CLASP1: variants seen among roughly 807,000 people sequenced by gnomAD.
CLASP1 encodes the protein CLIP-associating protein 1.
CLASP1 carries 38 observed loss-of-function variants against 192.3 expected under a neutral mutation model. The ratio of observed to expected loss-of-function variants is 0.20; its 90% CI spans 0.15 to 0.26. CLASP1 has a LOEUF of 0.26. Among genes scored for constraint, CLASP1 ranks in the 10% least tolerant of loss-of-function variants. CLASP1 has a pLI of 1.00. For synonymous variants in CLASP1, 691 were observed against 712.8 expected (o/e 0.97, Z 0.49); for missense variants, 1,433 against 1,932.5 (o/e 0.74, Z 4.85).
rs138830428 is a variant in CLASP1 at position 121,531,036 on chromosome 2, G to A, written c.196-711C>T. 556 of 699,506 alleles carry A rather than the reference G, an allele frequency of 7.9e-4. 2 individuals carry two copies. The highest frequency in any genetic ancestry group is 7.0e-3 in the African/African-American group (399 of 57,258). 43.3% of individuals were successfully genotyped at this position (699,506 alleles called of 1,614,324 possible). On this transcript the variant is annotated intron_variant, in intron 2 of 39. Coordinates refer to ENST00000263710, the Ensembl canonical transcript of CLASP1. ...AAAACCTGTTTTCATAGACTTATCAGTTCAAACAGCAGTAATTCGTAAATA... is the reference window on the plus strand; with the variant it reads ...AAAACCTGTTTTCATAGACTTATCAATTCAAACAGCAGTAATTCGTAAATA...
chr2:121,601,849 C>G (rs1284171847), intron 2 of CLASP1, among the ~76,000 whole-genome samples: 2 of 152,036 alleles, frequency 1.3e-5, no homozygotes, highest in African/African-American at 2.4e-5. Flanking sequence ...TTTCTATACA[C>G]CAACAACAAA....
chr2:121,387,774 T>A (rs769345721), exon 31 of CLASP1: 1 of 1,613,994 alleles, frequency 6.2e-7, no homozygotes, highest in South Asian at 1.1e-5. Flanking sequence ...ACACTGGTGT[T>A]ACTGGAATTC....
At chr2:121,639,593 G>A (rs1244199391) in intron 1 of CLASP1, among the ~76,000 whole-genome samples, 1 of 152,094 alleles carries the variant, frequency 6.6e-6, no homozygotes, top group African/African-American at 2.4e-5. Flanking sequence ...AGGCACAGTG[G>A]CTCACACCTG....
At chr2:121,610,826 TACAGGAGGAAGAGGAACTGGAGGAGGA>T in intron 1 of CLASP1, among the ~76,000 whole-genome samples, 1 of 117,850 alleles carries the variant, frequency 8.5e-6, no homozygotes. Context: ...GAGGAAGAGT[TACAGGAGGAAGAGGAACTGGAGGAGGA>T]GGAGGAGTTA....
At chr2:121,592,825 TGTATTTTTA>T (rs975516999) in intron 2 of CLASP1, among the ~76,000 whole-genome samples, 19 of 152,126 alleles carry the variant, frequency 1.2e-4, no homozygotes, top group African/African-American at 4.6e-4. Flanking sequence ...GCTAATTTTT[TGTATTTTTA>T]GTAGAGACGG....
intron 37 of CLASP1, among the ~76,000 whole-genome samples, chr2:121,358,407 T>C (rs1309199878): frequency 6.6e-6 from 1 of 152,188 alleles, no homozygotes; most frequent in African/African-American, 2.4e-5. Flanking sequence ...TCATGCAGTA[T>C]ATTATTTCCC....
At chr2:121,585,724 A>G (rs2061644561) in intron 2 of CLASP1, among the ~76,000 whole-genome samples, 1 of 151,860 alleles carries the variant, frequency 6.6e-6, no homozygotes, top group East Asian at 1.9e-4. Context: ...ATGGTGAAAC[A>G]CCATCTCTAC....
intron 13 of CLASP1, 72 bp downstream of exon 13, chr2:121,458,768 A>G: frequency 8.5e-7 from 1 of 1,179,642 alleles, no homozygotes; most frequent in Admixed American, 3.0e-5. Flanking sequence ...GTTAACAAAA[A>G]TGCCTCTAAT....
At chr2:121,468,416 G>C (rs2090055577) in intron 9 of CLASP1, among the ~76,000 whole-genome samples, 1 of 152,200 alleles carries the variant, frequency 6.6e-6, no homozygotes, top group African/African-American at 2.4e-5. Flanking sequence ...AGCATGGACT[G>C]TTTTTCCATT....
chr2:121,620,259 C>T (rs567652198), intron 1 of CLASP1, among the ~76,000 whole-genome samples: 2 of 151,986 alleles, frequency 1.3e-5, no homozygotes, highest in Admixed American at 1.3e-4. Context: ...TTAGCAGGGC[C>T]AGTGGCACAT....
chr2:121,645,754 AATGTCACC>A (rs2106371723), intron 1 of CLASP1, among the ~76,000 whole-genome samples: 1 of 152,316 alleles, frequency 6.6e-6, no homozygotes, highest in Admixed American at 6.5e-5. Context: ...TTATGGAAGA[AATGTCACC>A]ATTTGAGCAC....
intron 19 of CLASP1, among the ~76,000 whole-genome samples, chr2:121,436,178 T>C (rs912060384): frequency 3.3e-5 from 5 of 151,958 alleles, no homozygotes; most frequent in Non-Finnish European, 5.9e-5. Context: ...ATTACAGACA[T>C]GTACCACCAC....
chr2:121,478,989 ACCC>A (rs1417802918), intron 8 of CLASP1, among the ~76,000 whole-genome samples: 1 of 51,192 alleles, frequency 2.0e-5, no homozygotes, highest in African/African-American at 1.0e-4. Flanking sequence ...CACACCACAC[ACCC>A]CACACACACA....
chr2:121,587,992 A>G (rs1189739491), intron 2 of CLASP1, among the ~76,000 whole-genome samples: 1 of 151,686 alleles, frequency 6.6e-6, no homozygotes, highest in Non-Finnish European at 1.5e-5. Context: ...TGGTCAACAT[A>G]GTGAGACCCT....
intron 8 of CLASP1, among the ~76,000 whole-genome samples, chr2:121,493,363 T>G (rs2093399749): frequency 6.6e-6 from 1 of 152,226 alleles, no homozygotes; most frequent in Non-Finnish European, 1.5e-5. Context: ...GAACTCATTT[T>G]TGACAACAGT....
intron 19 of CLASP1, among the ~76,000 whole-genome samples, chr2:121,440,819 G>T (rs200124378): frequency 1.5e-5 from 2 of 132,136 alleles, no homozygotes; most frequent in Non-Finnish European, 3.4e-5. Context: ...ACAAGTAACA[G>T]AAAAAAAAAA....
chr2:121,522,359 A>G (rs1037482533), intron 6 of CLASP1, among the ~76,000 whole-genome samples: 3 of 152,202 alleles, frequency 2.0e-5, no homozygotes, highest in African/African-American at 7.2e-5. Context: ...GCAGACACAC[A>G]GGCCTAGAAC....
At chr2:121,617,630 A>G (rs1332005430) in intron 1 of CLASP1, among the ~76,000 whole-genome samples, 1 of 152,156 alleles carries the variant, frequency 6.6e-6, no homozygotes, top group African/African-American at 2.4e-5. Context: ...CAGCAATCCA[A>G]AGTCGATCGC....
chr2:121,489,651 A>C (rs1298615254), intron 8 of CLASP1, among the ~76,000 whole-genome samples: 1 of 152,256 alleles, frequency 6.6e-6, no homozygotes, highest in Non-Finnish European at 1.5e-5. Context: ...TTTTAAAATC[A>C]CTTCGATATT....
Sources: allele counts gnomAD v4.1 joint callset (sites outside exome capture counted in the v4.1 genomes callset), GRCh38; gene constraint gnomAD v4.1.1; transcripts MANE v1.5; gene names NCBI Gene and HGNC (gene_info 2026-07-23, HGNC 2026-07-21).